MAST3: variants seen among roughly 807,000 people sequenced by gnomAD.
MAST3 encodes microtubule-associated serine/threonine-protein kinase 3.
In MAST3, 43 loss-of-function variants were observed where a neutral mutation model predicts 127.0. The observed-to-expected ratio is 0.34, with a 90% CI of 0.27 to 0.44. MAST3 has a LOEUF of 0.44. Among genes scored for constraint, MAST3 ranks in the 20% least tolerant of loss-of-function variants. The probability of loss-of-function intolerance (pLI) is 1.00; values close to 1 mark genes in which losing one functional copy is unlikely to be tolerated. For missense variants in MAST3, 1,390 were observed against 1,919.1 expected (o/e 0.72, Z 5.15); for synonymous variants, 785 against 809.2 (o/e 0.97, Z 0.51).
intron 15 of MAST3, among the ~76,000 whole-genome samples, chr19:18,132,846 T>C (rs961710836): frequency 2.0e-5 from 3 of 152,234 alleles, no homozygotes; most frequent in African/African-American, 7.2e-5. Flanking sequence ...CTCACACCTG[T>C]AATCCCAGCA....
At position 18,119,846 on chromosome 19, in the gene MAST3, T is replaced by C. The variant is rs117345041; in HGVS notation, c.162-1839T>C. ...CTTGTTCTCCCATGGATTGACCTGCTCCGAGCATTCTGCCTGGGACCCCAT... is the reference window on the plus strand; with the variant it reads ...CTTGTTCTCCCATGGATTGACCTGCCCCGAGCATTCTGCCTGGGACCCCAT... On this transcript the variant is annotated intron_variant, in intron 3 of 27. Coordinates refer to ENST00000687212, the MANE Select transcript of MAST3 (RefSeq NM_001393504.1). 2.6e-5 allele frequency among the ~76,000 whole-genome samples: 4 copies of C among 152,328 alleles called. No individual in the cohort carries two copies. In the East Asian group the frequency reaches 7.7e-4, roughly 29 times the overall value.
chr19:18,142,100 T>G, intron 21 of MAST3, 85 bp downstream of exon 21: 1 of 1,298,612 alleles, frequency 7.7e-7, no homozygotes. Flanking sequence ...AAAGGGAGCT[T>G]CCTAGTGGCC....
rs992510309 is a variant in MAST3 at position 18,149,826 on chromosome 19, G to A, written c.*100G>A. 2 of 1,527,938 alleles carry A rather than the reference G, an allele frequency of 1.3e-6. No homozygotes were observed. Among genetic ancestry groups the A allele is most frequent in the Non-Finnish European group, 1.8e-6 (2 of 1,138,010 alleles). 94.6% of individuals were successfully genotyped at this position (1,527,938 alleles called of 1,614,324 possible). On this transcript the variant is annotated 3_prime_UTR_variant, in exon 28 of 28. Transcript: ENST00000687212. The surrounding 1 kb of genome is among the most constrained non-coding windows in gnomAD (Gnocchi z 5.9). ...TGGATGGGGACTGAGCCACCAGCCT[G>A]ACACCCAGAAGGCGAGAAGCCATCT...
intron 20 of MAST3, among the ~76,000 whole-genome samples, chr19:18,139,889 T>C (rs1329059972): frequency 6.8e-6 from 1 of 146,952 alleles, no homozygotes; most frequent in Non-Finnish European, 1.5e-5. Flanking sequence ...GCGTGATCTC[T>C]GCTCACTGCA....
chr19:18,123,410 C>T (rs1040479903), intron 7 of MAST3, 36 bp downstream of exon 7: 1 of 1,580,268 alleles, frequency 6.3e-7, no homozygotes, highest in Non-Finnish European at 8.6e-7. Flanking sequence ...CCCGGCCCCT[C>T]CCTGGGCTGG....
At chr19:18,107,642 G>T in intron 2 of MAST3, 24 bp downstream of exon 2, 2 of 1,609,944 alleles carry the variant, frequency 1.2e-6, no homozygotes, top group East Asian at 4.5e-5. Context: ...GGACTGGCGG[G>T]CTGGGTGGGC....
At chr19:18,136,339 C>G (rs193006741) in intron 18 of MAST3, among the ~76,000 whole-genome samples, 309 of 152,296 alleles carry the variant, frequency 2.0e-3, no homozygotes, top group African/African-American at 7.0e-3. Flanking sequence ...TCGTAAGGCT[C>G]TGGGCTTTCT....
In MAST3 at chr19:18,131,922, C is replaced by T. The variant is rs375909884; in HGVS notation, c.1446C>T (p.Ala482=). 5.0e-6 allele frequency: 8 copies of T among 1,600,086 alleles called. No individual in the cohort carries two copies. In the African/African-American group the frequency reaches 6.7e-5, roughly 13 times the overall value. ...VMEYVEGGDC[A]TLLKNMGPLP... ...CCCTTCTCCCAGGCGGCGACTGCGC[C>T]ACGCTCCTGAAGAACATGGGCCCGC... Residue 482 remains alanine, a synonymous_variant, in exon 15 of 28, where the codon GCC becomes GCT. Coordinates refer to ENST00000687212, the MANE Select transcript of MAST3 (RefSeq NM_001393504.1).
At chr19:18,141,079 C>T (rs1009165305) in intron 20 of MAST3, among the ~76,000 whole-genome samples, 5 of 152,098 alleles carry the variant, frequency 3.3e-5, no homozygotes, top group African/African-American at 1.2e-4. Context: ...AAGGCATGAA[C>T]CACCGCACCT....
Position 18,110,708 on chromosome 19 carries a change from C to T in MAST3, c.128C>T (p.Pro43Leu), listed in dbSNP as rs2038500161. Residue 43 changes from proline to leucine, a missense_variant, in exon 3 of 28, where the codon CCC becomes CTC. Transcript: ENST00000687212. This position sits in a 1 kb window ranked among gnomAD's most constrained non-coding sequence, Gnocchi z 4.3. ...CTGGGTCCCAGCAGCCCCTGCAGCC[C>T]CTGTAGCCCCTCCTTGGGCCTGCAC... Reference protein sequence around the residue: ...SLLGPSSPCSPCSPSLGLHPW... With the variant: ...SLLGPSSPCSLCSPSLGLHPW... 7.1e-6 allele frequency: 7 copies of T among 985,990 alleles called. No homozygotes were observed. The highest frequency in any genetic ancestry group is 8.4e-6 in the Non-Finnish European group (7 of 830,052). The allele number at this position is 985,990 out of a possible 1,614,324, so 61.1% of individuals were successfully genotyped here.
Position 18,121,941 on chromosome 19 carries a change from T to C in MAST3, c.320+19T>C, listed in dbSNP as rs748275470. ...CCCGGAGGTGAGTGATTGCCGGCTT[T>C]GGGAGACAGTGCGGGCACCACGGGC... On this transcript the variant is annotated intron_variant, in intron 5 of 27. Coordinates refer to ENST00000687212, the MANE Select transcript of MAST3 (RefSeq NM_001393504.1). The C allele has an allele frequency of 1.2e-6, 2 of 1,613,940 alleles. No individual in the cohort carries two copies. The highest frequency in any genetic ancestry group is 1.7e-6 in the Non-Finnish European group (2 of 1,179,872).
chr19:18,135,957 A>T (rs2041854917), intron 18 of MAST3, 116 bp downstream of exon 18: 1 of 726,458 alleles, frequency 1.4e-6, no homozygotes, highest in Non-Finnish European at 2.3e-6. Context: ...TGCATGGAGG[A>T]GGGGGTTTGC....
At chr19:18,117,748 C>A (rs2147086137) in intron 3 of MAST3, among the ~76,000 whole-genome samples, 1 of 152,290 alleles carries the variant, frequency 6.6e-6, no homozygotes, top group South Asian at 2.1e-4. Context: ...CAGAAAGGAG[C>A]CAAAATGCCT....
intron 11 of MAST3, among the ~76,000 whole-genome samples, chr19:18,125,844 G>A (rs273488): frequency 0.28 from 42,858 of 151,542 alleles, 6,455 homozygotes; most frequent in African/African-American, 0.4. Flanking sequence ...TGGATCACTT[G>A]AGGTCAGGAA....
chr19:18,141,732 C>A (rs28473718), intron 20 of MAST3, 150 bp from the exon 21 acceptor site: 2 of 533,200 alleles, frequency 3.8e-6, no homozygotes, highest in Non-Finnish European at 5.7e-6. Context: ...CTTTTTTTTT[C>A]TTTTTTTGAG....
chr19:18,131,496 C>T (rs774054543), intron 14 of MAST3, among the ~76,000 whole-genome samples: 6 of 139,942 alleles, frequency 4.3e-5, no homozygotes, highest in Non-Finnish European at 8.0e-5. Context: ...GTCAAGAGAT[C>T]GAGACCATCC....
intron 21 of MAST3, among the ~76,000 whole-genome samples, chr19:18,142,796 G>A (rs1275547834): frequency 6.6e-6 from 1 of 151,660 alleles, no homozygotes; most frequent in East Asian, 2.0e-4. Context: ...GTGCACCACG[G>A]CACCCGGCTA....
At chr19:18,134,491 A>G in intron 15 of MAST3, 88 bp from the exon 16 acceptor site, 1 of 1,473,912 alleles carries the variant, frequency 6.8e-7, no homozygotes, top group Non-Finnish European at 9.1e-7. Flanking sequence ...AGCTCTGCCC[A>G]TCTCAGGCGG....
chr19:18,115,170 A>G (rs2039081826), intron 3 of MAST3, among the ~76,000 whole-genome samples: 2 of 152,140 alleles, frequency 1.3e-5, no homozygotes, highest in Admixed American at 1.3e-4. Context: ...TCTGGGGAGC[A>G]GTGGGCCGAC....
Sources: gnomAD v4.1 joint callset for allele counts (sites outside exome capture counted in the v4.1 genomes callset) on GRCh38, gnomAD v4.1.1 for gene constraint, Gnocchi (gnomAD v3.1) non-coding constraint, MANE v1.5 for transcripts, NCBI Gene and HGNC (gene_info 2026-07-23, HGNC 2026-07-21) for gene names.